PHACTR3: variants seen among roughly 807,000 people sequenced by gnomAD.
The protein encoded by PHACTR3 is phosphatase and actin regulator 3, also known as protein phosphatase 1, regulatory subunit 123.
Under a neutral mutation model 66.8 loss-of-function variants are expected in PHACTR3, and 16 were observed. The ratio of observed to expected loss-of-function variants is 0.24; its 90% CI spans 0.16 to 0.36. PHACTR3 has a LOEUF of 0.36. Among genes scored for constraint, PHACTR3 ranks in the 10% least tolerant of loss-of-function variants. The probability of loss-of-function intolerance (pLI) is 1.00; values close to 1 mark genes in which losing one functional copy is unlikely to be tolerated. For missense variants in PHACTR3, 647 were observed against 719.9 expected (o/e 0.90, Z 1.16); for synonymous variants, 323 against 292.1 (o/e 1.11, Z -1.08).
intron 6 of PHACTR3, 68 bp downstream of exon 6, chr20:59,773,521 C>T: frequency 1.4e-6 from 2 of 1,457,696 alleles, no homozygotes; most frequent in Non-Finnish European, 1.8e-6. Context: ...TCAGGCTGTG[C>T]AGCTCATGCC....
intron 1 of PHACTR3, among the ~76,000 whole-genome samples, chr20:59,731,095 A>G (rs986512003): frequency 6.6e-6 from 1 of 152,200 alleles, no homozygotes; most frequent in Non-Finnish European, 1.5e-5. Context: ...TATTATATAT[A>G]AGAAACTCAC....
rs113946584 is a variant in PHACTR3 at position 59,830,180 on chromosome 20, C to T, written c.1329-6325C>T. 2.8e-4 allele frequency among the ~76,000 whole-genome samples: 41 copies of T among 145,680 alleles called. No homozygotes were observed. Among genetic ancestry groups the T allele is most frequent in the African/African-American group, 5.1e-4 (20 of 38,928 alleles). ...TGCGTGTCTGGTGGAAGAGGGTGTG[C>T]GTGTCTGATGGAAGAGGGTATGAGT... On this transcript the variant is annotated intron_variant, in intron 8 of 12. Coordinates refer to ENST00000371015, the MANE Select transcript of PHACTR3 (RefSeq NM_080672.5). This position sits in a 1 kb window ranked among gnomAD's most constrained non-coding sequence, Gnocchi z 5.8.
intron 7 of PHACTR3, among the ~76,000 whole-genome samples, chr20:59,793,182 C>A (rs1291820667): frequency 1.3e-5 from 2 of 152,200 alleles, no homozygotes; most frequent in African/African-American, 4.8e-5. Flanking sequence ...AGCCCCTGCA[C>A]CCAGCCTATA....
At chr20:59,688,076 C>T (rs1302960053) in intron 1 of PHACTR3, among the ~76,000 whole-genome samples, 1 of 152,194 alleles carries the variant, frequency 6.6e-6, no homozygotes. Flanking sequence ...ATTACACTGA[C>T]TTGTTTCCAT....
intron 1 of PHACTR3, among the ~76,000 whole-genome samples, chr20:59,638,582 T>C (rs969410590): frequency 5.7e-4 from 83 of 146,324 alleles, no homozygotes; most frequent in Non-Finnish European, 8.7e-4. Flanking sequence ...GGTGCGTGAG[T>C]GGATGGATGG....
At chr20:59,585,225 C>T (rs935288992) in intron 1 of PHACTR3, among the ~76,000 whole-genome samples, 2 of 152,152 alleles carry the variant, frequency 1.3e-5, no homozygotes, top group South Asian at 4.1e-4. Context: ...TTCCCTGACT[C>T]GGGGTCGGCA....
chr20:59,792,650 A>AT (rs987003975), intron 7 of PHACTR3, among the ~76,000 whole-genome samples: 2 of 152,022 alleles, frequency 1.3e-5, no homozygotes, highest in Non-Finnish European at 2.9e-5. Context: ...TTTAATTTGC[A>AT]TTTTTTCTAA....
rs1398389282 is a variant in PHACTR3 at position 59,826,788 on chromosome 20, C to T, written c.1329-9717C>T. Among the ~76,000 whole-genome samples the T allele has an allele frequency of 5.3e-5, 8 of 152,192 alleles. No homozygotes were observed. The East Asian group carries it at 1.5e-3, about 29-fold the overall frequency. ...CTCCTCTTTGCACACATGTTCTTGG[C>T]CTTTCTTCCTCACTCCACTTTCCTC... On this transcript the variant is annotated intron_variant, in intron 8 of 12. Coordinates refer to ENST00000371015, the MANE Select transcript of PHACTR3 (RefSeq NM_080672.5).
chr20:59,587,701 G>T (rs1050324794), intron 1 of PHACTR3, among the ~76,000 whole-genome samples: 1 of 152,206 alleles, frequency 6.6e-6, no homozygotes, highest in Non-Finnish European at 1.5e-5. Flanking sequence ...GAGGCTGTAG[G>T]ACTGAGGTCC....
intron 1 of PHACTR3, among the ~76,000 whole-genome samples, chr20:59,700,961 T>A (rs1199194882): frequency 5.9e-5 from 6 of 102,178 alleles, no homozygotes; most frequent in Non-Finnish European, 9.2e-5. Context: ...GGCTAATTTT[T>A]AAAAAAATTT....
At chr20:59,663,857 G>T (rs2035899817) in intron 1 of PHACTR3, among the ~76,000 whole-genome samples, 1 of 152,206 alleles carries the variant, frequency 6.6e-6, no homozygotes, top group Non-Finnish European at 1.5e-5. Context: ...CACGTGCTTG[G>T]CAAAGAACCA....
At chr20:59,805,953 G>A (rs766326939) in intron 7 of PHACTR3, 88 bp from the exon 8 acceptor site, 2 of 1,418,658 alleles carry the variant, frequency 1.4e-6, no homozygotes, top group Non-Finnish European at 1.9e-6. Flanking sequence ...CCTCTGGCAG[G>A]TGGGCGGCTC....
chr20:59,738,293 C>T lies in PHACTR3; in HGVS notation c.119-4814C>T, dbSNP rs2039027493. ...AGCTACGTCACACTGGCTTCCATGG[C>T]ACATGGCAAGCACTAATGCACAATA... On this transcript the variant is annotated intron_variant, in intron 1 of 12. Transcript: ENST00000371015. The surrounding 1 kb of genome is among the most constrained non-coding windows in gnomAD (Gnocchi z 4.4). Among the ~76,000 whole-genome samples, 1 of 151,732 alleles carries T rather than the reference C, an allele frequency of 6.6e-6. No homozygotes were observed. Among genetic ancestry groups the T allele is most frequent in the Admixed American group, 6.6e-5 (1 of 15,264 alleles).
intron 1 of PHACTR3, among the ~76,000 whole-genome samples, chr20:59,584,527 A>G (rs35082430): frequency 6.6e-6 from 1 of 151,986 alleles, no homozygotes; most frequent in African/African-American, 2.4e-5. Context: ...GAGTGTGTGC[A>G]TGCACAAGTG....
chr20:59,715,653 G>GT (rs2038065243), intron 1 of PHACTR3, among the ~76,000 whole-genome samples: 1 of 152,136 alleles, frequency 6.6e-6, no homozygotes, highest in Non-Finnish European at 1.5e-5. Flanking sequence ...ATTCCCTCAT[G>GT]TTTTTTATTC....
intron 1 of PHACTR3, among the ~76,000 whole-genome samples, chr20:59,622,710 A>G (rs1272341546): frequency 6.6e-6 from 1 of 152,042 alleles, no homozygotes; most frequent in African/African-American, 2.4e-5. Flanking sequence ...GAGGGAGACC[A>G]GGGGTTAGAG....
In PHACTR3 at chr20:59,738,004, G is replaced by T. The variant is rs548567284; in HGVS notation, c.119-5103G>T. 2.3e-4 allele frequency among the ~76,000 whole-genome samples: 35 copies of T among 152,260 alleles called. No individual in the cohort carries two copies. Among genetic ancestry groups the T allele is most frequent in the African/African-American group, 7.0e-4 (29 of 41,568 alleles). ...TCCAGCCACTAGGGCAGAAGTGGGG[G>T]GAGGCAGCTGATTAAAATAGTGCAG... On this transcript the variant is annotated intron_variant, in intron 1 of 12. Coordinates refer to ENST00000371015, the MANE Select transcript of PHACTR3 (RefSeq NM_080672.5). The surrounding 1 kb of genome is among the most constrained non-coding windows in gnomAD (Gnocchi z 4.4).
At chr20:59,630,496 A>T (rs1338766550) in intron 1 of PHACTR3, among the ~76,000 whole-genome samples, 1 of 152,210 alleles carries the variant, frequency 6.6e-6, no homozygotes, top group African/African-American at 2.4e-5. Context: ...TTAATTTTTC[A>T]TTAGAAAAAT....
intron 7 of PHACTR3, among the ~76,000 whole-genome samples, chr20:59,782,926 TG>T (rs1465988937): frequency 6.6e-6 from 1 of 152,254 alleles, no homozygotes; most frequent in African/African-American, 2.4e-5. Flanking sequence ...AGGCAGTTCC[TG>T]GTACTGTCTA....
Sources: gnomAD v4.1 joint callset for allele counts (sites outside exome capture counted in the v4.1 genomes callset) on GRCh38, gnomAD v4.1.1 for gene constraint, Gnocchi (gnomAD v3.1) non-coding constraint, MANE v1.5 for transcripts, NCBI Gene and HGNC (gene_info 2026-07-23, HGNC 2026-07-21) for gene names.